The following BRI3 variants were observed in gnomAD, a reference collection of about 807,000 sequenced individuals.
The protein encoded by BRI3 is membrane protein BRI3.
A neutral mutation model predicts 12.8 loss-of-function variants in BRI3; 6 were observed. The observed-to-expected ratio is 0.47, with a 90% CI of 0.26 to 0.93. BRI3 has a LOEUF of 0.93. Ranked by LOEUF, BRI3 falls within the 40% of genes least tolerant of loss-of-function variation. The pLI, the probability that BRI3 is intolerant of heterozygous loss-of-function variation, is 0.15. For missense variants in BRI3, 134 were observed against 171.1 expected (o/e 0.78, Z 1.21); for synonymous variants, 91 against 76.1 (o/e 1.20, Z -1.02).
chr7:98,294,246 G>A (rs1177918030), downstream of BRI3: 1 of 840,440 alleles, frequency 1.2e-6, no homozygotes, highest in Non-Finnish European at 1.9e-6. Flanking sequence ...TTCCACCTTG[G>A]CCTCCTAATG....
chr7:98,291,469 C>G lies in BRI3; in HGVS notation c.*226C>G. 7.4e-7 allele frequency: 1 copy of G among 1,355,350 alleles called. No homozygotes were observed. The allele number at this position is 1,355,350 out of a possible 1,614,324, so 84.0% of individuals were successfully genotyped here. A position where few individuals can be genotyped will look rare whatever the true frequency, so the allele number is the denominator to read the frequency against. On this transcript the variant is annotated 3_prime_UTR_variant, in exon 3 of 3. Coordinates refer to ENST00000297290, the MANE Select transcript of BRI3 (RefSeq NM_015379.5). ...AAGCACTGCTTTTATTTTTTGCAGTCTTCAATTTGAGAAAGGTGAGAAATA... is the reference window on the plus strand; with the variant it reads ...AAGCACTGCTTTTATTTTTTGCAGTGTTCAATTTGAGAAAGGTGAGAAATA...
At chr7:98,283,850 G>C (rs1008408662) in intron 2 of BRI3, among the ~76,000 whole-genome samples, 1 of 152,198 alleles carries the variant, frequency 6.6e-6, no homozygotes, top group Non-Finnish European at 1.5e-5. Context: ...CCCTGAACTT[G>C]GAGAGGTGAG....
At chr7:98,305,302 T>TG (rs1800612238), upstream of BRI3, among the ~76,000 whole-genome samples, 1 of 147,250 alleles carries the variant, frequency 6.8e-6, no homozygotes, top group Non-Finnish European at 1.5e-5. Flanking sequence ...AAAGCTGGAG[T>TG]GAGCAATGAG....
At chr7:98,298,200 C>T (rs1317414547) in intron 1 of BRI3, among the ~76,000 whole-genome samples, 1 of 152,252 alleles carries the variant, frequency 6.6e-6, no homozygotes. Flanking sequence ...CACAGGACAG[C>T]TGTGGGGCTT....
At chr7:98,312,343 C>T, downstream of BRI3, 1 of 1,442,548 alleles carries the variant, frequency 6.9e-7, no homozygotes, top group East Asian at 2.3e-5. Flanking sequence ...CGTCATATCG[C>T]TGATAACAGA....
At chr7:98,300,314 G>A (rs532564261) in intron 1 of BRI3, among the ~76,000 whole-genome samples, 1 of 152,302 alleles carries the variant, frequency 6.6e-6, no homozygotes, top group Admixed American at 6.5e-5. Flanking sequence ...TCTGTAGGCT[G>A]TTTCCCACAG....
the BRI3 span, among the ~76,000 whole-genome samples, chr7:98,318,382 G>C: frequency 1.3e-5 from 2 of 151,760 alleles, no homozygotes; most frequent in African/African-American, 2.4e-5. Flanking sequence ...TCTGCCTCCC[G>C]GGTTCAAGTG....
chr7:98,310,731 G>A, downstream of BRI3: 1 of 675,452 alleles, frequency 1.5e-6, no homozygotes, highest in Non-Finnish European at 2.2e-6. Flanking sequence ...GTGTTGCCCA[G>A]GCTGGAGTAC....
At chr7:98,285,914 T>C (rs1339238454) in intron 2 of BRI3, among the ~76,000 whole-genome samples, 5 of 152,182 alleles carry the variant, frequency 3.3e-5, no homozygotes, top group African/African-American at 9.6e-5. Flanking sequence ...AAGCCCTGCG[T>C]CTCCCCTTTT....
downstream of BRI3, among the ~76,000 whole-genome samples, chr7:98,295,879 TGAG>T (rs1054223530): frequency 6.6e-6 from 1 of 151,788 alleles, no homozygotes; most frequent in Non-Finnish European, 1.5e-5. Flanking sequence ...CCAGGAGGAC[TGAG>T]GAGGAAAAAG....
upstream of BRI3, among the ~76,000 whole-genome samples, chr7:98,304,697 G>A (rs1163075045): frequency 3.3e-5 from 5 of 151,920 alleles, no homozygotes; most frequent in Admixed American, 6.6e-5. Context: ...ACAGGTGCAC[G>A]CCAGTGTGCC....
intron 2 of BRI3, among the ~76,000 whole-genome samples, chr7:98,283,594 A>C (rs1201895223): frequency 6.6e-6 from 1 of 152,120 alleles, no homozygotes; most frequent in Non-Finnish European, 1.5e-5. Context: ...CCGGAGCTGC[A>C]CCGGGTTGGG....
chr7:98,285,571 C>T (rs964762281), intron 2 of BRI3, among the ~76,000 whole-genome samples: 28 of 152,286 alleles, frequency 1.8e-4, no homozygotes, highest in African/African-American at 5.3e-4. Context: ...CTGCAGACCT[C>T]GGTGCCCAAG....
chr7:98,319,453 C>T, the BRI3 span, among the ~76,000 whole-genome samples: 26 of 152,102 alleles, frequency 1.7e-4, no homozygotes, highest in Non-Finnish European at 2.9e-4. Flanking sequence ...TCAGCTGCAG[C>T]GACAGAAGCA....
chr7:98,289,853 G>A (rs1799842504), intron 2 of BRI3, among the ~76,000 whole-genome samples: 1 of 152,240 alleles, frequency 6.6e-6, no homozygotes, highest in Non-Finnish European at 1.5e-5. Context: ...GAAACTGACA[G>A]TTGGGTTCGA....
At chr7:98,287,739 G>T (rs912388318) in intron 2 of BRI3, among the ~76,000 whole-genome samples, 3 of 152,226 alleles carry the variant, frequency 2.0e-5, no homozygotes, top group African/African-American at 7.2e-5. Context: ...GGTCCCAGGC[G>T]CGAGCAGCAG....
chr7:98,304,364 C>T, upstream of BRI3: 1 of 1,613,496 alleles, frequency 6.2e-7, no homozygotes, highest in Non-Finnish European at 8.5e-7. Context: ...TGATGCTTCT[C>T]ACTGGTGTGG....
downstream of BRI3, among the ~76,000 whole-genome samples, chr7:98,296,157 ATC>A (rs1800182996): frequency 6.6e-6 from 1 of 152,234 alleles, no homozygotes; most frequent in African/African-American, 2.4e-5. Context: ...CCAGACAGCC[ATC>A]TCTGTGCCAG....
At chr7:98,292,830 C>A, downstream of BRI3, 2 of 1,470,562 alleles carry the variant, frequency 1.4e-6, no homozygotes. Flanking sequence ...CCGTGTGCAG[C>A]GAATCCGTTG....
Sources: allele counts gnomAD v4.1 joint callset (sites outside exome capture counted in the v4.1 genomes callset), GRCh38; gene constraint gnomAD v4.1.1; transcripts MANE v1.5; gene names NCBI Gene and HGNC (gene_info 2026-07-23, HGNC 2026-07-21).